KRT38: variants seen among roughly 807,000 people sequenced by gnomAD.
KRT38 encodes keratin 38, also known as keratin, type I cuticular Ha8.
KRT38 carries 45 observed loss-of-function variants against 43.1 expected under a neutral mutation model. The observed-to-expected ratio is 1.04, with a 90% confidence interval of 0.82 to 1.34. The LOEUF is 1.34. Ranked by LOEUF, KRT38 falls within the 40% of genes most tolerant of loss-of-function variation. The pLI is 0.00. For synonymous variants in KRT38, 258 were observed against 244.0 expected (o/e 1.06, Z -0.53); for missense variants, 627 against 586.2 (o/e 1.07, Z -0.72).
intron 3 of KRT38, 96 bp from the exon 4 acceptor site, chr17:41,438,954 G>T: frequency 1.4e-6 from 2 of 1,457,382 alleles, no homozygotes; most frequent in African/African-American, 1.4e-5. Context: ...AGCAGTAGGA[G>T]GGGAGTCCCA....
Position 41,437,511 on chromosome 17 carries a change from G to C in KRT38, c.1272C>G (p.Pro424=). 1.3e-6 allele frequency: 2 copies of C among 1,565,586 alleles called. No homozygotes were observed. The highest frequency in any genetic ancestry group is 1.7e-6 in the Non-Finnish European group (2 of 1,163,234). ...GAGCACAGGGGGCAGTCACGCAGGA[G>C]GGAGACGTGGAGCACGGATTGCAGG... ...KLPCNPCSTS[P]SCVTAPCAPR... Residue 424 remains proline (P), a synonymous_variant, in exon 7 of 7, where the codon CCC becomes CCG. Transcript: ENST00000246646.
chr17:41,438,813 C>T lies in KRT38; in HGVS notation c.778G>A (p.Glu260Lys). 1 of 1,614,166 alleles carries T rather than the reference C, an allele frequency of 6.2e-7. No individual in the cohort carries two copies. The highest frequency in any genetic ancestry group is 8.5e-7 in the Non-Finnish European group (1 of 1,180,028). ...RSQLGEKLRIELDIEPTIDLN... is the reference protein window; with the variant it reads ...RSQLGEKLRIKLDIEPTIDLN... ...TCAATGGTGGGCTCAATGTCCAGCT[C>T]AATCCGGAGCTTCTCCCCCAGCTGA... is the stretch of plus-strand genomic sequence containing the variant. Residue 260 changes from glutamate to lysine, a missense_variant, in exon 4 of 7, where the codon GAG (glutamate) becomes AAG (lysine). Glu to Lys is a moderately conservative substitution (Grantham distance 56). Coordinates refer to ENST00000246646, the MANE Select transcript of KRT38 (RefSeq NM_006771.4).
Position 41,436,980 on chromosome 17 carries a change from C to T in KRT38, c.*432G>A, listed in dbSNP as rs1428540730. The T allele has an allele frequency of 6.5e-6, 1 of 154,590 alleles. No homozygotes were observed. The highest frequency in any genetic ancestry group is 1.4e-5 in the Non-Finnish European group (1 of 69,790). The allele number at this position is 154,590 out of a possible 1,614,324, so 9.6% of individuals were successfully genotyped here. A position where few individuals can be genotyped will look rare whatever the true frequency, so the allele number is the denominator to read the frequency against. ...ATTTCCCTCTCCCTAGGGCCATAAT[C>T]CAGGCTGCCAATGTTAGAAACAACC... On this transcript the variant is annotated 3_prime_UTR_variant, in exon 7 of 7. Coordinates refer to ENST00000246646, the MANE Select transcript of KRT38 (RefSeq NM_006771.4).
rs775687128 is a variant in KRT38 at position 41,438,624 on chromosome 17, A to G, written c.895-8T>C. 22 of 1,614,062 alleles carry G rather than the reference A, an allele frequency of 1.4e-5. No homozygotes were observed. The South Asian group carries it at 2.4e-4, about 18-fold the overall frequency. On this transcript the variant is annotated splice_region_variant and splice_polypyrimidine_tract_variant and intron_variant, in intron 4 of 6. Transcript: ENST00000246646. ...CAGGCTGATGCCTTCAGACTGGAGCACAGAGAGACACGGTCACCTCCCTGC... is the reference window on the plus strand; with the variant it reads ...CAGGCTGATGCCTTCAGACTGGAGCGCAGAGAGACACGGTCACCTCCCTGC...
Position 41,439,259 on chromosome 17 carries a change from C to A in KRT38, c.676G>T (p.Ala226Ser), listed in dbSNP as rs1453181308. The A allele has an allele frequency of 6.2e-7, 1 of 1,614,082 alleles. No individual in the cohort carries two copies. The highest frequency in any genetic ancestry group is 1.1e-5 in the South Asian group (1 of 91,090). The change falls in exon 3 of 7, where the codon GCC (alanine) becomes TCC (serine). Residue 226 changes from alanine to serine, a missense_variant. Coordinates refer to ENST00000246646, the MANE Select transcript of KRT38 (RefSeq NM_006771.4). Reference protein sequence around the residue: ...DATLAKADLEAQQESLKEEQL... With the variant: ...DATLAKADLESQQESLKEEQL... ...TCCTCCTTCAGGGACTCCTGCTGGGCCTCCAGGTCGGCCTTGGCCAGGGTC... is the reference window on the plus strand; with the variant it reads ...TCCTCCTTCAGGGACTCCTGCTGGGACTCCAGGTCGGCCTTGGCCAGGGTC...
At position 41,440,847 on chromosome 17, in the gene KRT38, G is replaced by A; in HGVS notation, c.75C>T (p.Val25=). ...GCTGGCACCCAATGTCGATGGGAGA[G>A]ACAGAGACATTTCTTGCTCCAGGAG... ...TMAPGARNVS[V]SPIDIGCQPG... The change falls in exon 1 of 7, where the codon GTC becomes GTT. Residue 25 remains valine, a synonymous_variant. Coordinates refer to ENST00000246646, the MANE Select transcript of KRT38 (RefSeq NM_006771.4). The A allele has an allele frequency of 6.3e-7, 1 of 1,593,184 alleles. No individual in the cohort carries two copies.
rs2018727318 is a variant in KRT38 at position 41,436,438 on chromosome 17, G to A, written c.*974C>T. 1 of 152,250 alleles carries A rather than the reference G, an allele frequency of 6.6e-6. No individual in the cohort carries two copies. The highest frequency in any genetic ancestry group is 6.5e-5 in the Admixed American group (1 of 15,282). The allele number at this position is 152,250 out of a possible 1,614,324, so 9.4% of individuals were successfully genotyped here. ...GGGGGAAGAGCACCCCAGAGAGAAG[G>A]AAGAGCAGGGACAGGTCTCCAGGCA... On this transcript the variant is annotated 3_prime_UTR_variant, in exon 7 of 7. Coordinates refer to ENST00000246646, the MANE Select transcript of KRT38 (RefSeq NM_006771.4).
At position 41,438,728 on chromosome 17, in the gene KRT38, C is replaced by T. The variant is rs80116505; in HGVS notation, c.863G>A (p.Arg288His). 3,848 of 1,614,010 alleles carry T rather than the reference C, an allele frequency of 2.4e-3. 46 individuals carry two copies. The highest frequency in any genetic ancestry group is 0.013 in the East Asian group (593 of 44,854). The change falls in exon 4 of 7, where the codon CGC (arginine) becomes CAC (histidine). Residue 288 changes from arginine (R) to histidine (H), a missense_variant. Transcript: ENST00000246646. Reference sequence around the variant, plus strand: ...TTGGAACCACTGTTCCACATCCTGGCGGTTGGTCTCCAACATGGCCTCATA... The same window carrying T: ...TTGGAACCACTGTTCCACATCCTGGTGGTTGGTCTCCAACATGGCCTCATA... Reference protein sequence around the residue: ...AQYEAMLETNRQDVEQWFQAQ... With the variant: ...AQYEAMLETNHQDVEQWFQAQ...
Position 41,439,258 on chromosome 17 carries a change from G to A in KRT38, c.677C>T (p.Ala226Val), listed in dbSNP as rs757518889. ...DATLAKADLE[A>V]QQESLKEEQL... Reference sequence around the variant, plus strand: ...CTCCTCCTTCAGGGACTCCTGCTGGGCCTCCAGGTCGGCCTTGGCCAGGGT... The same window carrying A: ...CTCCTCCTTCAGGGACTCCTGCTGGACCTCCAGGTCGGCCTTGGCCAGGGT... Residue 226 changes from alanine to valine, a missense_variant, in exon 3 of 7, where the codon GCC becomes GTC. By Grantham distance (64) the Ala-to-Val change is moderately conservative (BLOSUM62 0). Transcript: ENST00000246646. 1.5e-5 allele frequency: 24 copies of A among 1,614,182 alleles called. No homozygotes were observed. The South Asian group carries it at 2.2e-4, about 15-fold the overall frequency.
chr17:41,438,950 AGGAGG>A, intron 3 of KRT38, 92 bp from the exon 4 acceptor site: 1 of 1,470,480 alleles, frequency 6.8e-7, no homozygotes, highest in Non-Finnish European at 9.3e-7. Flanking sequence ...GGCAAGCAGT[AGGAGG>A]GGAGTCCCAC....
intron 4 of KRT38, 32 bp from the exon 5 acceptor site, chr17:41,438,648 G>A (rs370676114): frequency 2.7e-5 from 44 of 1,611,832 alleles, no homozygotes; most frequent in Non-Finnish European, 3.6e-5. Context: ...TCACCTCCCT[G>A]CCCAGATGGA....
Position 41,440,227 on chromosome 17 carries a change from G to C in KRT38, c.509C>G (p.Ala170Gly), listed in dbSNP as rs190835091. ...TTGTACAATCAGCCTGGCATTCTCGGCCTTGCTGCACAGGATCTGAGGAGA... is the reference window on the plus strand; with the variant it reads ...TTGTACAATCAGCCTGGCATTCTCGCCCTTGCTGCACAGGATCTGAGGAGA... ...ELQQKILCSKAENARLIVQID... is the reference protein window; with the variant it reads ...ELQQKILCSKGENARLIVQID... Residue 170 changes from alanine to glycine, a missense_variant, in exon 2 of 7, where the codon GCC becomes GGC. Physicochemically the swap from Ala to Gly is moderately conservative, Grantham distance 60. Coordinates refer to ENST00000246646, the MANE Select transcript of KRT38 (RefSeq NM_006771.4). 41 of 1,614,182 alleles carry C rather than the reference G, an allele frequency of 2.5e-5. No homozygotes were observed. The East Asian group carries it at 9.1e-4, about 36-fold the overall frequency.
intron 2 of KRT38, 22 bp downstream of exon 2, chr17:41,440,139 G>A: frequency 6.3e-7 from 1 of 1,599,932 alleles, no homozygotes; most frequent in Non-Finnish European, 8.6e-7. Context: ...GAGTCACCCT[G>A]GCCCTCCTCC....
At chr17:41,438,010 T>C (rs1016302301) in intron 6 of KRT38, 83 bp downstream of exon 6, 31 of 1,369,526 alleles carry the variant, frequency 2.3e-5, no homozygotes, top group Middle Eastern at 2.3e-4. Flanking sequence ...TCATTCTACA[T>C]AGAGACAGCC....
In KRT38 at chr17:41,437,450, G is replaced by A. The variant is rs748485967; in HGVS notation, c.1333C>T (p.Pro445Ser). 6.4e-7 allele frequency: 1 copy of A among 1,563,718 alleles called. No homozygotes were observed. Among genetic ancestry groups the A allele is most frequent in the Non-Finnish European group, 8.6e-7 (1 of 1,161,034 alleles). ...CCGGTGGTGCTGGCTCCACAGGTGG[G>A]CCCACAGGTGGTGCAGGGGCCACAG... The part of the protein sequence containing the change: ...PSCGPCTTCG[P>S]TCGASTTGSR... The change falls in exon 7 of 7, where the codon CCC becomes TCC. Residue 445 changes from proline to serine, a missense_variant. Pro to Ser is a moderately conservative substitution (Grantham distance 74). Coordinates refer to ENST00000246646, the MANE Select transcript of KRT38 (RefSeq NM_006771.4).
In KRT38 at chr17:41,440,226, G is replaced by C. The variant is rs186989114; in HGVS notation, c.510C>G (p.Ala170=). The C allele has an allele frequency of 3.1e-6, 5 of 1,613,992 alleles. No homozygotes were observed. Among genetic ancestry groups the C allele is most frequent in the Non-Finnish European group, 1.7e-6 (2 of 1,180,022 alleles). The change falls in exon 2 of 7, where the codon GCC becomes GCG. Residue 170 remains alanine (A), a synonymous_variant. Coordinates refer to ENST00000246646, the MANE Select transcript of KRT38 (RefSeq NM_006771.4). ...ELQQKILCSK[A]ENARLIVQID... ...TTTGTACAATCAGCCTGGCATTCTC[G>C]GCCTTGCTGCACAGGATCTGAGGAG...
At chr17:41,437,966 C>G in intron 6 of KRT38, 127 bp downstream of exon 6, 1 of 878,552 alleles carries the variant, frequency 1.1e-6, no homozygotes. Flanking sequence ...CAGGACAGGG[C>G]AACGACTCAC....
rs115945156 is a variant in KRT38, at chr17:41,440,041, T to C, written c.575+120A>G. ...CCATCAGCTTCGATTGTAATGAAAA[T>C]TTTACTGTAGAGAATCTAGCAAGGA... On this transcript the variant is annotated intron_variant, in intron 2 of 6. Transcript: ENST00000246646. 326 of 825,064 alleles carry C rather than the reference T, an allele frequency of 4.0e-4. 3 individuals are homozygous for C. In the African/African-American group the frequency reaches 5.2e-3, roughly 13 times the overall value. 51.1% of individuals were successfully genotyped at this position (825,064 alleles called of 1,614,324 possible).
Position 41,438,206 on chromosome 17 carries a change from G to A in KRT38, c.1128C>T (p.Ile376=), listed in dbSNP as rs1271361531. ...ISNVEEQLSE[I]RADLERQNQE... ...GGTTTTGCCGCTCCAGGTCGGCCCG[G>A]ATCTCAGACAGCTGCTCCTCCACGT... Residue 376 remains isoleucine, a synonymous_variant, in exon 6 of 7, where the codon ATC becomes ATT. Coordinates refer to ENST00000246646, the MANE Select transcript of KRT38 (RefSeq NM_006771.4). 3 of 1,614,180 alleles carry A rather than the reference G, an allele frequency of 1.9e-6. No individual in the cohort carries two copies. The highest frequency in any genetic ancestry group is 2.5e-6 in the Non-Finnish European group (3 of 1,180,026).
Sources: gnomAD v4.1 joint callset for allele counts on GRCh38, gnomAD v4.1.1 for gene constraint, MANE v1.5 for transcripts, NCBI Gene and HGNC (gene_info 2026-07-23, HGNC 2026-07-21) for gene names.